Variants in TMC3 observed in about 807,000 individuals in gnomAD.
The protein encoded by TMC3 is transmembrane channel like 3, also known as transmembrane channel-like protein 3.
TMC3 carries 98 observed loss-of-function variants against 110.6 expected under a neutral mutation model. That is an observed-to-expected ratio of 0.89 (90% CI 0.75 to 1.05). The LOEUF (loss-of-function observed/expected upper bound fraction) is 1.05. Among genes scored for constraint, TMC3 ranks in the 50% least tolerant of loss-of-function variants. The probability of loss-of-function intolerance (pLI) is 0.00; values close to 1 mark genes in which losing one functional copy is unlikely to be tolerated. For synonymous variants in TMC3, 489 were observed against 513.1 expected (o/e 0.95, Z 0.63); for missense variants, 1,319 against 1,373.2 (o/e 0.96, Z 0.62).
chr15:81,332,388 T>C lies in TMC3; in HGVS notation c.*31A>G. 2.6e-6 allele frequency: 4 copies of C among 1,563,074 alleles called. No homozygotes were observed. The highest frequency in any genetic ancestry group is 2.6e-6 in the Non-Finnish European group (3 of 1,152,002). On this transcript the variant is annotated 3_prime_UTR_variant, in exon 22 of 22. Transcript: ENST00000359440. The stretch of plus-strand genomic sequence containing the variant: ...CTGGCCCAGCACTCCAACAGGGGCC[T>C]GACCTCTAGGAACGGGACACTGGAG...
rs192231406 is a variant in TMC3 at position 81,347,857 on chromosome 15, C to T, written c.1194-1414G>A. Among the ~76,000 whole-genome samples, 38 of 152,298 alleles carry T rather than the reference C, an allele frequency of 2.5e-4. No individual in the cohort carries two copies. In the East Asian group the frequency reaches 5.4e-3, roughly 22 times the overall value. On this transcript the variant is annotated intron_variant, in intron 11 of 21. Transcript: ENST00000359440. Reference sequence around the variant, plus strand: ...AGCTTCTCTGTTGCAGGTCAAAAGACGTGTTGGGTGGAGCAGAAAGAACCA... The same window carrying T: ...AGCTTCTCTGTTGCAGGTCAAAAGATGTGTTGGGTGGAGCAGAAAGAACCA...
chr15:81,344,058 G>T lies in TMC3; in HGVS notation c.1519-13C>A, dbSNP rs143174928. 2.2e-3 allele frequency: 3,536 copies of T among 1,602,732 alleles called. 6 individuals carry two copies. The highest frequency in any genetic ancestry group is 2.8e-3 in the Non-Finnish European group (3,270 of 1,176,406). On this transcript the variant is annotated splice_polypyrimidine_tract_variant and intron_variant, in intron 13 of 21. Coordinates refer to ENST00000359440, the MANE Select transcript of TMC3 (RefSeq NM_001080532.3). ...GCTTCAGCATCTCCTGAAACACAGG[G>T]CGTCCCTGGATGCCACCATGCCCCA...
chr15:81,344,370 A>T (rs922320020), intron 13 of TMC3, among the ~76,000 whole-genome samples: 1 of 152,202 alleles, frequency 6.6e-6, no homozygotes, highest in African/African-American at 2.4e-5. Context: ...CCATGGGATA[A>T]TACCTTGGGG....
chr15:81,368,265 T>G lies in TMC3; in HGVS notation c.300A>C (p.Ala100=). Residue 100 remains alanine (A), a synonymous_variant, in exon 3 of 22, where the codon GCA becomes GCC. Coordinates refer to ENST00000359440, the MANE Select transcript of TMC3 (RefSeq NM_001080532.3). ...TGTTCTGTATTACCTCTGCACCTGC[T>G]GCTTGGTAGCCTCGGGTCCTGGTCA... The part of the protein sequence containing the change: ...GRLTRTRGYQ[A]AGAELWRKFA... 6.2e-7 allele frequency: 1 copy of G among 1,613,664 alleles called. No homozygotes were observed. The highest frequency in any genetic ancestry group is 8.5e-7 in the Non-Finnish European group (1 of 1,179,658).
chr15:81,361,438 T>C (rs1318938586), intron 4 of TMC3, among the ~76,000 whole-genome samples: 2 of 152,214 alleles, frequency 1.3e-5, no homozygotes, highest in Non-Finnish European at 2.9e-5. Flanking sequence ...GCCCATCAAT[T>C]CCCACACTAT....
chr15:81,343,050 C>A (rs567462415), intron 15 of TMC3: 1 of 460,350 alleles, frequency 2.2e-6, no homozygotes, highest in Non-Finnish European at 3.9e-6. Flanking sequence ...TTTTCGGCTG[C>A]GACCAATAGT....
intron 10 of TMC3, among the ~76,000 whole-genome samples, chr15:81,350,769 C>T (rs796726108): frequency 6.6e-6 from 1 of 152,126 alleles, no homozygotes; most frequent in African/African-American, 2.4e-5. Context: ...CCTTTCAAAT[C>T]TGTATAGATA....
In TMC3 at chr15:81,333,041, TCA is replaced by T; in HGVS notation, c.2679_2680del (p.Cys893Ter). On this transcript the variant is annotated stop_gained and frameshift_variant, in exon 22 of 22. Coordinates refer to ENST00000359440, the MANE Select transcript of TMC3 (RefSeq NM_001080532.3). LOFTEE classifies it low-confidence loss of function (END_TRUNC). ...ATTTAGATGTTTTTTCTTGTAAGAG[TCA>T]CATTCATTAATGACATAGTATCTGG... is the stretch of plus-strand genomic sequence containing the variant. 2 of 1,613,896 alleles carry T rather than the reference TCA, an allele frequency of 1.2e-6. No individual in the cohort carries two copies. The highest frequency in any genetic ancestry group is 1.7e-6 in the Non-Finnish European group (2 of 1,179,874).
intron 3 of TMC3, among the ~76,000 whole-genome samples, chr15:81,366,661 A>G (rs1894323962): frequency 6.6e-6 from 1 of 152,244 alleles, no homozygotes; most frequent in African/African-American, 2.4e-5. Context: ...CTACAAAAAG[A>G]TAATTTATTT....
intron 11 of TMC3, among the ~76,000 whole-genome samples, 179 bp from the exon 12 acceptor site, chr15:81,346,622 G>C (rs1893834868): frequency 6.6e-6 from 1 of 152,170 alleles, no homozygotes; most frequent in South Asian, 2.1e-4. Flanking sequence ...TCCACCCTTA[G>C]TAGGTCTGGA....
intron 14 of TMC3, among the ~76,000 whole-genome samples, chr15:81,343,586 C>T (rs974027727): frequency 1.3e-5 from 2 of 151,800 alleles, no homozygotes; most frequent in Non-Finnish European, 2.9e-5. Context: ...GTCAGGAGTT[C>T]GAGGTCAGCC....
At chr15:81,359,301 A>G (rs1894134197) in intron 5 of TMC3, 64 bp downstream of exon 5, 8 of 1,237,240 alleles carry the variant, frequency 6.5e-6, no homozygotes, top group Non-Finnish European at 9.1e-6. Flanking sequence ...CAGAGGAGCC[A>G]TTTTATGCGA....
At chr15:81,357,202 T>C (rs1010189654) in intron 7 of TMC3, among the ~76,000 whole-genome samples, 5 of 152,070 alleles carry the variant, frequency 3.3e-5, no homozygotes, top group Non-Finnish European at 7.4e-5. Context: ...GAGTCTTCCA[T>C]GTGGGTCCTG....
At chr15:81,364,591 G>A (rs977250421) in intron 3 of TMC3, among the ~76,000 whole-genome samples, 4 of 149,764 alleles carry the variant, frequency 2.7e-5, no homozygotes, top group African/African-American at 4.9e-5. Context: ...TAGATGACAC[G>A]TTAGTGGGTG....
chr15:81,348,140 T>C (rs1893865070), intron 11 of TMC3, among the ~76,000 whole-genome samples: 1 of 152,224 alleles, frequency 6.6e-6, no homozygotes, highest in Non-Finnish European at 1.5e-5. Context: ...AGTTGAGTAG[T>C]GGTGATAGAG....
chr15:81,345,113 T>A, intron 12 of TMC3, 102 bp from the exon 13 acceptor site: 1 of 1,477,218 alleles, frequency 6.8e-7, no homozygotes, highest in Non-Finnish European at 9.0e-7. Flanking sequence ...AAGGGTGTCA[T>A]TGCATTGCTT....
intron 11 of TMC3, among the ~76,000 whole-genome samples, 166 bp downstream of exon 11, chr15:81,349,292 C>T (rs1445719524): frequency 6.6e-6 from 1 of 152,174 alleles, no homozygotes; most frequent in African/African-American, 2.4e-5. Flanking sequence ...CTCCCCTATC[C>T]CTCCTCTTGG....
chr15:81,341,360 T>C (rs959423879), intron 16 of TMC3, 30 bp downstream of exon 16: 1 of 1,590,808 alleles, frequency 6.3e-7, no homozygotes, highest in Non-Finnish European at 8.6e-7. Flanking sequence ...TATATAGTTA[T>C]CTGCATGATC....
In TMC3 at chr15:81,338,687, G is replaced by T. The variant is rs376462005; in HGVS notation, c.2049C>A (p.Pro683=). 6.2e-7 allele frequency: 1 copy of T among 1,613,990 alleles called. No individual in the cohort carries two copies. The highest frequency in any genetic ancestry group is 8.5e-7 in the Non-Finnish European group (1 of 1,179,874). Residue 683 remains proline (P), a synonymous_variant, in exon 18 of 22, where the codon CCC becomes CCA. Coordinates refer to ENST00000359440, the MANE Select transcript of TMC3 (RefSeq NM_001080532.3). ...GGAGTACTGCGGGCAGGATGACCACGGGGCTACTGATGTGTCCAACCACGG... is the reference window on the plus strand; with the variant it reads ...GGAGTACTGCGGGCAGGATGACCACTGGGCTACTGATGTGTCCAACCACGG... The part of the protein sequence containing the change: ...FGSVVGHISS[P]VVILPAVLLL...
Sources: allele counts gnomAD v4.1 joint callset (sites outside exome capture counted in the v4.1 genomes callset), GRCh38; gene constraint gnomAD v4.1.1; transcripts MANE v1.5; gene names NCBI Gene and HGNC (gene_info 2026-07-23, HGNC 2026-07-21).